Variants in FAT1 observed in about 807,000 individuals in gnomAD.
The protein encoded by FAT1 is FAT atypical cadherin 1.
Under a neutral mutation model 329.8 loss-of-function variants are expected in FAT1, and 171 were observed. The ratio of observed to expected loss-of-function variants is 0.52; its 90% CI spans 0.46 to 0.59. FAT1 has a LOEUF of 0.59. FAT1 is among the 20% of genes least tolerant of loss of function. The pLI is 0.00. For missense variants in FAT1, 5,672 were observed against 5,774.4 expected (o/e 0.98, Z 0.57); for synonymous variants, 2,233 against 2,228.6 (o/e 1.00, Z -0.06).
At chr4:186,725,202 GAAC>G (rs869126568), upstream of FAT1, among the ~76,000 whole-genome samples, 31 of 152,142 alleles carry the variant, frequency 2.0e-4, no homozygotes, top group East Asian at 5.2e-3. The surrounding 1 kb of genome is among the most constrained non-coding windows in gnomAD (Gnocchi z 5.4). Flanking sequence ...TTCATACATG[GAAC>G]ACCTCGAAAG....
In FAT1 at chr4:186,614,334, G is replaced by T; in HGVS notation, c.9086C>A (p.Ser3029Ter). ...NSPVCEKTLY[S>*]DTIPEDVLPG... ...AAGGACGTCTTCAGGAATAGTGTCT[G>T]AATATAAAGTCTGCAAAGAGTTTAA... is the stretch of plus-strand genomic sequence containing the variant. The change falls in exon 12 of 27, where the codon TCA becomes TAA. Residue 3029 changes from serine (S) to a stop codon, truncating the protein, a stop_gained. Coordinates refer to ENST00000441802, the MANE Select transcript of FAT1 (RefSeq NM_005245.4). LOFTEE classifies it high-confidence loss of function. The T allele has an allele frequency of 1.3e-6, 2 of 1,547,216 alleles. No individual in the cohort carries two copies. The highest frequency in any genetic ancestry group is 1.7e-6 in the Non-Finnish European group (2 of 1,153,740).
chr4:186,709,874 C>T (rs778163024), intron 1 of FAT1, 29 bp from the exon 2 acceptor site: 2 of 1,528,066 alleles, frequency 1.3e-6, no homozygotes, highest in African/African-American at 2.7e-5. Flanking sequence ...GAATCGTTAC[C>T]TTGGGGAAAT....
At chr4:186,639,938 T>C (rs1347650901) in intron 3 of FAT1, among the ~76,000 whole-genome samples, 155 bp from the exon 4 acceptor site, 1 of 152,140 alleles carries the variant, frequency 6.6e-6, no homozygotes, top group Admixed American at 6.5e-5. Context: ...GGTCAGGAGT[T>C]GGAGGCCAGC....
Position 186,595,692 on chromosome 4 carries a change from T to A in FAT1, c.13135A>T (p.Asn4379Tyr). 1 of 1,613,920 alleles carries A rather than the reference T, an allele frequency of 6.2e-7. No individual in the cohort carries two copies. Among genetic ancestry groups the A allele is most frequent in the Non-Finnish European group, 8.5e-7 (1 of 1,179,864 alleles). ...TTGCAGCACACTGCTGCCTCACCAT[T>A]GTCATCGCACGATTCGGACTGGAAG... Reference protein sequence around the residue: ...SSFQSESCDDNGYHWDTSDWM... With the variant: ...SSFQSESCDDYGYHWDTSDWM... The change falls in exon 26 of 27, where the codon AAT (asparagine) becomes TAT (tyrosine). Residue 4379 changes from asparagine (N) to tyrosine (Y), a missense_variant. Asn to Tyr is a moderately radical substitution (Grantham distance 143). Transcript: ENST00000441802.
At position 186,619,047 on chromosome 4, in the gene FAT1, C is replaced by T. The variant is rs1244489586; in HGVS notation, c.7539G>A (p.Glu2513=). Reference sequence around the variant, plus strand: ...CAGAATCCCCATCCGTAGTTTTCACCTCCATCACCAGGGTATGTAGGGGAG... The same window carrying T: ...CAGAATCCCCATCCGTAGTTTTCACTTCCATCACCAGGGTATGTAGGGGAG... The part of the protein sequence containing the change: ...ENAPLHTLVM[E]VKTTDGDSGI... The change falls in exon 10 of 27, where the codon GAG becomes GAA. Residue 2513 remains glutamate, a synonymous_variant. Coordinates refer to ENST00000441802, the MANE Select transcript of FAT1 (RefSeq NM_005245.4). 1 of 1,614,008 alleles carries T rather than the reference C, an allele frequency of 6.2e-7. No homozygotes were observed.
At chr4:186,696,167 G>C (rs535516136) in intron 2 of FAT1, among the ~76,000 whole-genome samples, 1 of 152,154 alleles carries the variant, frequency 6.6e-6, no homozygotes, top group Non-Finnish European at 1.5e-5. Context: ...ATGAAACTTC[G>C]TGTGACTTCT....
chr4:186,707,829 G>A lies in FAT1; in HGVS notation c.1999C>T (p.His667Tyr), dbSNP rs2126691672. 6.2e-7 allele frequency: 1 copy of A among 1,613,748 alleles called. No homozygotes were observed. The highest frequency in any genetic ancestry group is 8.5e-7 in the Non-Finnish European group (1 of 1,179,886). Residue 667 changes from histidine (H) to tyrosine (Y), a missense_variant, in exon 2 of 27, where the codon CAC (histidine) becomes TAC (tyrosine). This residue lies in a region of FAT1 where 3,966 missense variants were observed against 3,915.2 expected (regional missense o/e 1.01). Transcript: ENST00000441802. ...TCACACTGCAAGTTTACCAGCTTGT[G>A]ACTGGCAGCCACTGTTATGTTGATA... The part of the protein sequence containing the change: ...LYINITVAAS[H>Y]KLVNLQCEET...
At chr4:186,685,158 G>C (rs1743402462) in intron 2 of FAT1, among the ~76,000 whole-genome samples, 2 of 152,120 alleles carry the variant, frequency 1.3e-5, no homozygotes, top group Non-Finnish European at 2.9e-5. Context: ...GGCACTCCAA[G>C]GGCATTACAC....
At chr4:186,705,085 C>A (rs1320929997) in intron 2 of FAT1, among the ~76,000 whole-genome samples, 1 of 150,120 alleles carries the variant, frequency 6.7e-6, no homozygotes, top group African/African-American at 2.5e-5. Context: ...GCTGGGACTA[C>A]AGGTGTACCA....
chr4:186,715,513 G>A (rs1317749300), intron 1 of FAT1, among the ~76,000 whole-genome samples: 3 of 152,172 alleles, frequency 2.0e-5, no homozygotes, highest in East Asian at 3.8e-4. Flanking sequence ...CAAGAACCAC[G>A]AATTCAGGTT....
intron 4 of FAT1, among the ~76,000 whole-genome samples, chr4:186,637,976 A>G (rs1740911778): frequency 6.6e-6 from 1 of 152,260 alleles, no homozygotes; most frequent in South Asian, 2.1e-4. Flanking sequence ...ATCAGTTTGC[A>G]TATGAGCTTT....
Position 186,707,425 on chromosome 4 carries a change from C to G in FAT1, c.2403G>C (p.Gln801His), listed in dbSNP as rs2126688419. The G allele has an allele frequency of 2.5e-6, 4 of 1,614,032 alleles. No individual in the cohort carries two copies. The highest frequency in any genetic ancestry group is 3.4e-6 in the Non-Finnish European group (4 of 1,179,906). Residue 801 changes from glutamine (Q) to histidine (H), a missense_variant, in exon 2 of 27, where the codon CAG becomes CAC. Physicochemically the swap from Gln to His is conservative, Grantham distance 24. Transcript: ENST00000441802. ...CATGTAGAAGACGCCACGCAGCCTT[C>G]TGGGGTATCCCAAGGTCATAGACGG... ...NITVYDLGIP[Q>H]KAAWRLLHVV...
chr4:186,680,797 T>G (rs968298640), intron 2 of FAT1, among the ~76,000 whole-genome samples: 3 of 152,168 alleles, frequency 2.0e-5, no homozygotes, highest in Non-Finnish European at 4.4e-5. Flanking sequence ...CCAAATCTCT[T>G]GAAATCTCAG....
intron 2 of FAT1, among the ~76,000 whole-genome samples, chr4:186,694,534 T>C (rs939498885): frequency 5.9e-5 from 9 of 152,206 alleles, no homozygotes; most frequent in African/African-American, 2.2e-4. Flanking sequence ...CTACTTTTAG[T>C]TTACATACAT....
chr4:186,676,696 T>C, intron 2 of FAT1, among the ~76,000 whole-genome samples: 1 of 152,222 alleles, frequency 6.6e-6, no homozygotes. Context: ...AGATTCCTCC[T>C]GTTACAGTCA....
intron 7 of FAT1, among the ~76,000 whole-genome samples, chr4:186,632,230 T>C (rs1017166233): frequency 6.6e-6 from 1 of 152,180 alleles, no homozygotes; most frequent in African/African-American, 2.4e-5. Context: ...AAAAATATAA[T>C]TATTGGGAAA....
At chr4:186,597,947 T>C (rs2126401237) in intron 23 of FAT1, 25 bp downstream of exon 23, 7 of 1,588,844 alleles carry the variant, frequency 4.4e-6, no homozygotes, top group South Asian at 1.2e-5. Context: ...CAATTGATTA[T>C]GAAAGTTAAG....
chr4:186,655,504 G>A (rs1194454958), intron 3 of FAT1, among the ~76,000 whole-genome samples: 2 of 151,550 alleles, frequency 1.3e-5, no homozygotes, highest in African/African-American at 2.4e-5. Flanking sequence ...GAGTGATCTC[G>A]GCTCGCTGCA....
intron 14 of FAT1, among the ~76,000 whole-genome samples, chr4:186,610,386 G>A (rs572615132): frequency 2.0e-5 from 3 of 151,294 alleles, no homozygotes; most frequent in South Asian, 2.1e-4. Flanking sequence ...TGTGTCTTTC[G>A]GTTTCATTTT....
Sources: allele counts gnomAD v4.1 joint callset (sites outside exome capture counted in the v4.1 genomes callset), GRCh38; gene constraint gnomAD v4.1.1; regional missense constraint gnomAD v4.1.1; non-coding constraint Gnocchi (gnomAD v3.1); transcripts MANE v1.5; gene names NCBI Gene and HGNC (gene_info 2026-07-23, HGNC 2026-07-21).